KALRN: variants seen among roughly 807,000 people sequenced by gnomAD.
The protein encoded by KALRN is kalirin.
Under a neutral mutation model 353.7 loss-of-function variants are expected in KALRN, and 70 were observed. The observed-to-expected ratio is 0.20, with a 90% CI of 0.16 to 0.24. The LOEUF (loss-of-function observed/expected upper bound fraction) is 0.24, where lower values mean the gene tolerates loss of function less well. Among genes scored for constraint, KALRN ranks in the 10% least tolerant of loss-of-function variants. KALRN has a pLI of 1.00. For synonymous variants in KALRN, 1,391 were observed against 1,434.8 expected, an observed-to-expected ratio of 0.97 and a Z score of 0.69; for missense variants, 2,791 against 3,756.7, an observed-to-expected ratio of 0.74 and a Z score of 6.72.
intron 1 of KALRN, among the ~76,000 whole-genome samples, chr3:124,047,798 C>T (rs537724515): frequency 8.6e-5 from 13 of 151,950 alleles, no homozygotes; most frequent in South Asian, 4.2e-4. Flanking sequence ...CCACGGCGCC[C>T]GGCCAGAACA....
intron 33 of KALRN, among the ~76,000 whole-genome samples, chr3:124,547,740 G>T (rs2069880198): frequency 1.3e-5 from 2 of 152,078 alleles, no homozygotes. Flanking sequence ...GGTTATGGTT[G>T]TGCCCCTCCC....
chr3:124,142,557 C>A (rs2066760391), intron 1 of KALRN, among the ~76,000 whole-genome samples: 2 of 152,182 alleles, frequency 1.3e-5, no homozygotes, highest in African/African-American at 4.8e-5. Context: ...AATTTCAGAC[C>A]TAAGAACCAG....
rs192287369 is a variant in KALRN at position 124,665,847 on chromosome 3, A to C, written c.6346-602A>C. Among the ~76,000 whole-genome samples, 197 of 152,342 alleles carry C rather than the reference A, an allele frequency of 1.3e-3. 1 individual carries two copies. Among genetic ancestry groups the C allele is most frequent in the African/African-American group, 4.5e-3 (187 of 41,572 alleles). ...ATGGAGACCTATCTATAGTACCCCC[A>C]ACTTTACCTGTTGGCCTATAACTAG... On this transcript the variant is annotated intron_variant, in intron 45 of 59. Transcript: ENST00000682506.
chr3:124,494,899 T>C (rs1426873312), intron 32 of KALRN, among the ~76,000 whole-genome samples: 1 of 152,230 alleles, frequency 6.6e-6, no homozygotes, highest in Admixed American at 6.5e-5. Flanking sequence ...CATCAGGGTA[T>C]CTTTTATAAA....
intron 9 of KALRN, among the ~76,000 whole-genome samples, chr3:124,342,396 T>C (rs1328612098): frequency 1.3e-5 from 2 of 152,214 alleles, no homozygotes; most frequent in Non-Finnish European, 2.9e-5. Context: ...CACATATAAG[T>C]GAGAACATGT....
intron 51 of KALRN, among the ~76,000 whole-genome samples, chr3:124,685,947 C>G (rs1310677026): frequency 1.3e-5 from 2 of 152,166 alleles, no homozygotes; most frequent in Non-Finnish European, 2.9e-5. Context: ...AACCCCACCC[C>G]CATGCTGTCA....
intron 34 of KALRN, among the ~76,000 whole-genome samples, chr3:124,567,376 G>A (rs1561305619): frequency 1.3e-5 from 2 of 152,146 alleles, no homozygotes; most frequent in African/African-American, 4.8e-5. Flanking sequence ...TAGTGCTAGG[G>A]CTCCTCTCTG....
chr3:124,286,082 C>CCTTCCTTCCTTCCTTCCTTTCTTTCTTT (rs1553893895), intron 5 of KALRN, among the ~76,000 whole-genome samples: 2 of 102,156 alleles, frequency 2.0e-5, no homozygotes, highest in African/African-American at 7.5e-5. Context: ...TTCTTTCCTT[C>CCTTCCTTCCTTCCTTCCTTTCTTTCTTT]CTTTCTTTCT....
chr3:124,642,614 C>T (rs1326004143), intron 37 of KALRN, among the ~76,000 whole-genome samples: 3 of 152,060 alleles, frequency 2.0e-5, no homozygotes, highest in African/African-American at 7.2e-5. Context: ...CACAGCCAGG[C>T]TGTATTTGTG....
At chr3:124,169,136 C>G (rs1426218430) in intron 1 of KALRN, among the ~76,000 whole-genome samples, 2 of 152,140 alleles carry the variant, frequency 1.3e-5, no homozygotes, top group Non-Finnish European at 2.9e-5. Context: ...CAGGGATGTT[C>G]TAGGAATGAA....
intron 10 of KALRN, chr3:124,374,361 G>T (rs2086285276): frequency 1.3e-5 from 2 of 152,430 alleles, no homozygotes; most frequent in Admixed American, 1.3e-4. Flanking sequence ...TGGGAAGGTG[G>T]AAAGGGAGCA....
At chr3:124,036,580 C>T (rs1203217633) in intron 1 of KALRN, among the ~76,000 whole-genome samples, 1 of 151,904 alleles carries the variant, frequency 6.6e-6, no homozygotes, top group African/African-American at 2.4e-5. Flanking sequence ...GTTTCTAAAC[C>T]TTCTCCCTTC....
At chr3:124,506,024 G>A (rs1218321945) in intron 33 of KALRN, among the ~76,000 whole-genome samples, 2 of 152,162 alleles carry the variant, frequency 1.3e-5, no homozygotes, top group Non-Finnish European at 2.9e-5. Context: ...GTGAATACAT[G>A]GGTGTGTGAG....
At chr3:124,424,653 C>A (rs573144752) in intron 15 of KALRN, among the ~76,000 whole-genome samples, 2 of 152,250 alleles carry the variant, frequency 1.3e-5, no homozygotes, top group East Asian at 3.9e-4. Context: ...TGGGATTACA[C>A]CTGAGTCTCC....
At chr3:124,348,423 G>A (rs2082494054) in intron 10 of KALRN, among the ~76,000 whole-genome samples, 1 of 152,184 alleles carries the variant, frequency 6.6e-6, no homozygotes, top group Admixed American at 6.5e-5. Context: ...AAGTCATGGA[G>A]CATTACTGCA....
intron 34 of KALRN, among the ~76,000 whole-genome samples, chr3:124,628,377 TTCCC>T (rs1267707404): frequency 9.4e-5 from 1 of 10,658 alleles, no homozygotes; most frequent in African/African-American, 3.6e-4. Flanking sequence ...CCTTCCCTCC[TTCCC>T]TCCTTCCTTC....
intron 1 of KALRN, among the ~76,000 whole-genome samples, chr3:124,048,191 T>A (rs951046331): frequency 6.6e-6 from 1 of 152,258 alleles, no homozygotes. Flanking sequence ...AGACAGAGGA[T>A]CCATTCATTG....
rs141701428 is a variant in KALRN at position 124,696,919 on chromosome 3, C to T, written c.7699+664C>T. Among the ~76,000 whole-genome samples the T allele has an allele frequency of 1.1e-4, 16 of 152,146 alleles. No homozygotes were observed. The East Asian group carries it at 2.7e-3, about 26-fold the overall frequency. On this transcript the variant is annotated intron_variant, in intron 54 of 59. Coordinates refer to ENST00000682506, the MANE Select transcript of KALRN (RefSeq NM_001388419.1). ...TTTCTGTCTCTATCAATTTGTGTTA[C>T]TCAAACTTTATTTTTTCTTGAGACA...
At chr3:124,618,407 G>A (rs573644886) in intron 34 of KALRN, among the ~76,000 whole-genome samples, 5 of 152,026 alleles carry the variant, frequency 3.3e-5, no homozygotes, top group African/African-American at 9.7e-5. Flanking sequence ...GAGCCACCGC[G>A]CCCAGCCATG....
Sources: gnomAD v4.1 joint callset for allele counts (sites outside exome capture counted in the v4.1 genomes callset) on GRCh38, gnomAD v4.1.1 for gene constraint, MANE v1.5 for transcripts, NCBI Gene and HGNC (gene_info 2026-07-23, HGNC 2026-07-21) for gene names.